Variants in NFIB observed in about 807,000 individuals in gnomAD.
NFIB encodes nuclear factor 1 B-type.
In NFIB, 11 loss-of-function variants were observed where a neutral mutation model predicts 61.5. The ratio of observed to expected loss-of-function variants is 0.18; its 90% CI spans 0.11 to 0.30. The LOEUF is 0.30. Among genes scored for constraint, NFIB ranks in the 10% least tolerant of loss-of-function variants. The probability of loss-of-function intolerance (pLI) is 1.00; values close to 1 mark genes in which losing one functional copy is unlikely to be tolerated. For missense variants in NFIB, 471 were observed against 608.9 expected (o/e 0.77, Z 2.38); for synonymous variants, 260 against 216.5 (o/e 1.20, Z -1.76).
intron 10 of NFIB, among the ~76,000 whole-genome samples, chr9:14,098,914 G>T (rs1206908573): frequency 6.6e-6 from 1 of 152,218 alleles, no homozygotes. Flanking sequence ...TTCCCAAAGA[G>T]TCAGCTTTGG....
intron 2 of NFIB, among the ~76,000 whole-genome samples, chr9:14,296,782 T>A (rs1341615585): frequency 1.3e-5 from 2 of 152,208 alleles, no homozygotes; most frequent in African/African-American, 4.8e-5. Flanking sequence ...TATAGTAGCC[T>A]GAACTAAGAC....
intron 5 of NFIB, among the ~76,000 whole-genome samples, chr9:14,147,604 G>GCCACTTC (rs148039232): frequency 0.064 from 9,561 of 148,298 alleles, 897 homozygotes; most frequent in African/African-American, 0.21. Flanking sequence ...AAAAAAGAAG[G>GCCACTTC]CCACTGCCAA....
intron 2 of NFIB, among the ~76,000 whole-genome samples, chr9:14,247,928 T>C (rs2055116901): frequency 6.9e-6 from 1 of 145,478 alleles, no homozygotes. Context: ...TAATTTTTTC[T>C]TTTTTTCTTT....
intron 1 of NFIB, among the ~76,000 whole-genome samples, chr9:14,340,939 G>A (rs1296882841): frequency 6.6e-6 from 1 of 152,098 alleles, no homozygotes; most frequent in Non-Finnish European, 1.5e-5. Flanking sequence ...GCGGGTGGGC[G>A]GTGGCGGTAG....
intron 1 of NFIB, chr9:14,361,762 C>T (rs901670463): frequency 6.6e-6 from 1 of 151,952 alleles, no homozygotes; most frequent in Non-Finnish European, 1.5e-5. Context: ...TTTTTCTTAG[C>T]CCTGTAATAG....
chr9:14,244,793 T>C (rs867234663), intron 2 of NFIB, among the ~76,000 whole-genome samples: 1 of 152,170 alleles, frequency 6.6e-6, no homozygotes, highest in Non-Finnish European at 1.5e-5. Context: ...ACTAAAAAAA[T>C]AGTAAATACT....
chr9:14,516,597 C>T, the NFIB span, among the ~76,000 whole-genome samples: 9 of 152,294 alleles, frequency 5.9e-5, no homozygotes, highest in South Asian at 2.1e-4. Flanking sequence ...TCCATATGCC[C>T]GGTCCTTAAT....
At chr9:14,167,036 G>T (rs2044883267) in intron 3 of NFIB, among the ~76,000 whole-genome samples, 2 of 129,006 alleles carry the variant, frequency 1.6e-5, no homozygotes, top group African/African-American at 2.9e-5. Context: ...CATTTCCCTT[G>T]TTCCTCCATA....
chr9:14,306,918 C>T, intron 2 of NFIB, 71 bp downstream of exon 2: 1 of 1,563,872 alleles, frequency 6.4e-7, no homozygotes, highest in Non-Finnish European at 8.7e-7. Flanking sequence ...CTAACTCAAG[C>T]CAGATACTCT....
chr9:14,389,144 T>C (rs1351962883), intron 1 of NFIB, among the ~76,000 whole-genome samples: 1 of 152,216 alleles, frequency 6.6e-6, no homozygotes, highest in African/African-American at 2.4e-5. Context: ...TTTCCTCATA[T>C]GGCTTCATGT....
intron 2 of NFIB, among the ~76,000 whole-genome samples, chr9:14,197,368 CACTGT>C (rs57372867): frequency 0.88 from 133,179 of 151,736 alleles, 58,682 homozygotes; most frequent in South Asian, 0.93. Context: ...GTCCCTAACA[CACTGT>C]ACTGTGATCT....
chr9:14,463,451 A>G, the NFIB span, among the ~76,000 whole-genome samples: 2 of 151,622 alleles, frequency 1.3e-5, no homozygotes, highest in Non-Finnish European at 2.9e-5. Flanking sequence ...TATATATTTA[A>G]CAAATATCCT....
At chr9:14,485,119 G>T in the NFIB span, among the ~76,000 whole-genome samples, 1 of 152,148 alleles carries the variant, frequency 6.6e-6, no homozygotes, top group Non-Finnish European at 1.5e-5. Flanking sequence ...TCCCAAGTAG[G>T]TATTTGACCC....
At chr9:14,099,862 A>T (rs2035460702) in intron 10 of NFIB, among the ~76,000 whole-genome samples, 1 of 152,114 alleles carries the variant, frequency 6.6e-6, no homozygotes, top group Non-Finnish European at 1.5e-5. Flanking sequence ...CACTTAAGTC[A>T]GGAGTTCCAG....
At chr9:14,215,915 C>A (rs1279748353) in intron 2 of NFIB, among the ~76,000 whole-genome samples, 1 of 152,188 alleles carries the variant, frequency 6.6e-6, no homozygotes, top group Admixed American at 6.5e-5. Flanking sequence ...CCAAGCAGCA[C>A]TGTACTGAGA....
chr9:14,092,558 CA>C (rs1336589503), intron 10 of NFIB, among the ~76,000 whole-genome samples: 1 of 152,018 alleles, frequency 6.6e-6, no homozygotes, highest in Non-Finnish European at 1.5e-5. Context: ...GATGACTTAA[CA>C]TAAGAAAGAA....
At chr9:14,455,353 A>G in the NFIB span, among the ~76,000 whole-genome samples, 4 of 152,244 alleles carry the variant, frequency 2.6e-5, no homozygotes, top group Non-Finnish European at 5.9e-5. Flanking sequence ...ATTATTTACT[A>G]TTAACTAGTG....
At chr9:14,515,207 G>A in the NFIB span, among the ~76,000 whole-genome samples, 5 of 152,062 alleles carry the variant, frequency 3.3e-5, no homozygotes, top group African/African-American at 1.2e-4. Flanking sequence ...TATCGCTAAG[G>A]TAGGGACATT....
chr9:14,113,103 C>T, intron 9 of NFIB, 22 bp from the exon 10 acceptor site: 2 of 1,542,954 alleles, frequency 1.3e-6, no homozygotes, highest in South Asian at 2.4e-5. Flanking sequence ...AGAACAAAAA[C>T]AAAGATAAAA....
Sources: gnomAD v4.1 joint callset for allele counts (sites outside exome capture counted in the v4.1 genomes callset) on GRCh38, gnomAD v4.1.1 for gene constraint, MANE v1.5 for transcripts, NCBI Gene and HGNC (gene_info 2026-07-23, HGNC 2026-07-21) for gene names.